The following NAALADL2 variants were observed in gnomAD, a reference collection of about 807,000 sequenced individuals.
NAALADL2 encodes the protein N-acetylated alpha-linked acidic dipeptidase like 2, also known as inactive N-acetylated-alpha-linked acidic dipeptidase-like protein 2.
A neutral mutation model predicts 87.2 loss-of-function variants in NAALADL2; 76 were observed. That is an observed-to-expected ratio of 0.87 (90% CI 0.72 to 1.05). The LOEUF is 1.05. NAALADL2 is among the 50% of genes least tolerant of loss of function. The pLI is 0.00. For missense variants in NAALADL2, 1,089 were observed against 945.8 expected, an observed-to-expected ratio of 1.15 and a Z score of -1.99; for synonymous variants, 354 against 331.0, an observed-to-expected ratio of 1.07 and a Z score of -0.75.
intron 5 of NAALADL2, among the ~76,000 whole-genome samples, chr3:175,356,617 TAAAAG>T (rs1006317117): frequency 1.9e-5 from 2 of 103,546 alleles, no homozygotes; most frequent in Non-Finnish European, 4.3e-5. Context: ...AATAAAGAAA[TAAAAG>T]AAAATACCAT....
chr3:174,596,987 T>C (rs1353844765), intron 2 of NAALADL2, among the ~76,000 whole-genome samples: 1 of 152,210 alleles, frequency 6.6e-6, no homozygotes, highest in South Asian at 2.1e-4. Flanking sequence ...AGACCTTCTT[T>C]GTCTCTGGGA....
intron 3 of NAALADL2, among the ~76,000 whole-genome samples, chr3:174,782,567 A>C (rs770495149): frequency 3.3e-5 from 5 of 152,120 alleles, no homozygotes; most frequent in Admixed American, 6.6e-5. Context: ...AAATTGAGCA[A>C]TAATGAAGTT....
intron 1 of NAALADL2, among the ~76,000 whole-genome samples, chr3:175,047,840 C>G (rs913148008): frequency 2.0e-5 from 3 of 152,164 alleles, no homozygotes; most frequent in African/African-American, 4.8e-5. Context: ...TTCATATATT[C>G]ACAACTGGCA....
intron 3 of NAALADL2, among the ~76,000 whole-genome samples, chr3:174,850,274 A>G (rs780935568): frequency 2.6e-5 from 4 of 152,126 alleles, no homozygotes; most frequent in African/African-American, 2.4e-5. Flanking sequence ...TGCCAGACAT[A>G]TAAGAGCTCC....
chr3:174,472,862 C>G (rs1560003859), intron 1 of NAALADL2, among the ~76,000 whole-genome samples: 1 of 152,128 alleles, frequency 6.6e-6, no homozygotes, highest in Non-Finnish European at 1.5e-5. Context: ...AGAAACATGT[C>G]ACAACCAGCT....
intron 3 of NAALADL2, among the ~76,000 whole-genome samples, chr3:175,243,598 T>C (rs1463525): frequency 0.37 from 52,172 of 141,552 alleles, 9,918 homozygotes; most frequent in South Asian, 0.43. Flanking sequence ...CTGCCCAGCG[T>C]TCAACTAAAA....
At position 175,422,094 on chromosome 3, in the gene NAALADL2, A is replaced by G. The variant is rs1715805516; in HGVS notation, c.1091-25135A>G. Among the ~76,000 whole-genome samples the G allele has an allele frequency of 2.0e-5, 3 of 152,136 alleles. No homozygotes were observed. The South Asian group carries it at 6.2e-4, about 31-fold the overall frequency. On this transcript the variant is annotated intron_variant, in intron 5 of 13. Coordinates refer to ENST00000454872, the MANE Select transcript of NAALADL2 (RefSeq NM_207015.3). The stretch of plus-strand genomic sequence containing the variant: ...TTTACTTTTTATGTCTTTGAATCCC[A>G]TTAGGACTCTGAAGTATTCGTGTAG...
chr3:175,409,769 T>C (rs538669514), intron 5 of NAALADL2, among the ~76,000 whole-genome samples: 1 of 152,174 alleles, frequency 6.6e-6, no homozygotes, highest in South Asian at 2.1e-4. Flanking sequence ...TTTCTTGTTT[T>C]AGACATATTT....
chr3:175,698,895 A>C (rs1490401272), intron 11 of NAALADL2, among the ~76,000 whole-genome samples: 2 of 151,850 alleles, frequency 1.3e-5, no homozygotes, highest in African/African-American at 4.8e-5. Context: ...AGAAATCCAA[A>C]TGCTAAGAAG....
chr3:175,394,714 C>G (rs1452862312), intron 5 of NAALADL2, among the ~76,000 whole-genome samples: 1 of 152,158 alleles, frequency 6.6e-6, no homozygotes, highest in African/African-American at 2.4e-5. Context: ...CAAGTGGATG[C>G]CTGAAACCAC....
chr3:175,512,330 T>A (rs1560682058), intron 9 of NAALADL2, among the ~76,000 whole-genome samples: 1 of 152,170 alleles, frequency 6.6e-6, no homozygotes, highest in Non-Finnish European at 1.5e-5. Flanking sequence ...ATGTGAATGA[T>A]CCTGGATCAA....
intron 2 of NAALADL2, among the ~76,000 whole-genome samples, chr3:174,663,740 A>G (rs2108784155): frequency 6.6e-6 from 1 of 151,106 alleles, no homozygotes; most frequent in African/African-American, 2.4e-5. Context: ...TATCCAAACT[A>G]TGTCAGTAAT....
intron 2 of NAALADL2, among the ~76,000 whole-genome samples, chr3:175,136,370 A>G (rs906705247): frequency 6.6e-6 from 1 of 152,208 alleles, no homozygotes; most frequent in African/African-American, 2.4e-5. Context: ...GTCATTGGAC[A>G]TCTCTCAATA....
chr3:174,888,174 CAAAG>C (rs1045762978), intron 1 of NAALADL2, among the ~76,000 whole-genome samples: 92 of 152,156 alleles, frequency 6.0e-4, no homozygotes, highest in African/African-American at 2.2e-3. Context: ...AACTTTTTGA[CAAAG>C]AAAAATTCAG....
chr3:175,623,453 G>A (rs1404039455), intron 10 of NAALADL2, among the ~76,000 whole-genome samples: 1 of 152,040 alleles, frequency 6.6e-6, no homozygotes, highest in African/African-American at 2.4e-5. Context: ...TTGAAGGCAT[G>A]GGGATTATAG....
chr3:175,810,019 TG>T lies in NAALADL2; in HGVS notation c.*6817del, dbSNP rs1223052858. The T allele has an allele frequency of 3.9e-5, 6 of 152,010 alleles. No homozygotes were observed. 9.4% of individuals were successfully genotyped at this position (152,010 alleles called of 1,614,324 possible). A position where few individuals can be genotyped will look rare whatever the true frequency, so the allele number is the denominator to read the frequency against. On this transcript the variant is annotated 3_prime_UTR_variant, in exon 14 of 14. Coordinates refer to ENST00000454872, the MANE Select transcript of NAALADL2 (RefSeq NM_207015.3). Reference sequence around the variant, plus strand: ...ACTAAATTATGTTGAACTGTTGTGGTGTTTAGCCTTGTTCAAAATGATTTGA... The same window carrying T: ...ACTAAATTATGTTGAACTGTTGTGGTTTTAGCCTTGTTCAAAATGATTTGA...
chr3:174,467,026 A>G (rs1445984029), intron 1 of NAALADL2, among the ~76,000 whole-genome samples: 1 of 151,704 alleles, frequency 6.6e-6, no homozygotes, highest in Non-Finnish European at 1.5e-5. Context: ...GTTTTTTTTT[A>G]TGGTTTATGT....
intron 1 of NAALADL2, among the ~76,000 whole-genome samples, chr3:175,040,313 A>G (rs537684135): frequency 1.5e-4 from 23 of 152,302 alleles, no homozygotes; most frequent in African/African-American, 5.3e-4. Flanking sequence ...TATAATCTCC[A>G]TTAAAGCAGA....
intron 1 of NAALADL2, among the ~76,000 whole-genome samples, chr3:174,515,688 G>GA (rs542590012): frequency 0.12 from 15,576 of 134,734 alleles, 1,424 homozygotes; most frequent in East Asian, 0.44. Context: ...CTGACAATTG[G>GA]AAAAAAAAAA....
Sources: gnomAD v4.1 joint callset for allele counts (sites outside exome capture counted in the v4.1 genomes callset) on GRCh38, gnomAD v4.1.1 for gene constraint, MANE v1.5 for transcripts, NCBI Gene and HGNC (gene_info 2026-07-23, HGNC 2026-07-21) for gene names.